The following CD40 variants were observed in gnomAD, a reference collection of about 807,000 sequenced individuals.
CD40 encodes tumor necrosis factor receptor superfamily member 5.
Under a neutral mutation model 38.5 loss-of-function variants are expected in CD40, and 19 were observed. The observed-to-expected ratio is 0.49, with a 90% CI of 0.34 to 0.72. The LOEUF is 0.72. Ranked by LOEUF, CD40 falls within the 30% of genes least tolerant of loss-of-function variation. The probability of loss-of-function intolerance (pLI) is 0.01; values close to 1 mark genes in which losing one functional copy is unlikely to be tolerated. For synonymous variants in CD40, 130 were observed against 128.7 expected, an observed-to-expected ratio of 1.01 and a Z score of -0.07; for missense variants, 256 against 344.1, an observed-to-expected ratio of 0.74 and a Z score of 2.03.
chr20:46,123,368 C>T, intron 5 of CD40, 149 bp downstream of exon 5: 2 of 784,984 alleles, frequency 2.5e-6, no homozygotes, highest in Non-Finnish European at 4.6e-6. Context: ...TCATGGCCAA[C>T]CAGACAGGCA....
intron 8 of CD40, 77 bp downstream of exon 8, chr20:46,128,435 A>T: frequency 6.7e-7 from 1 of 1,484,516 alleles, no homozygotes; most frequent in Non-Finnish European, 9.4e-7. Context: ...ATGGGGCAGT[A>T]AAACTGATTC....
chr20:46,129,034 A>G lies in CD40; in HGVS notation c.828A>G (p.Arg276=). ...GKESRISVQE[R]Q is the part of the protein sequence containing the mutation. ...AGAGTCGCATCTCAGTGCAGGAGAG[A>G]CAGTGAGGCTGCACCCACCCAGGAG... The change falls in exon 9 of 9, where the codon AGA becomes AGG. Residue 276 remains arginine (R), a synonymous_variant. Coordinates refer to ENST00000372285, the MANE Select transcript of CD40 (RefSeq NM_001250.6). 1.2e-6 allele frequency: 2 copies of G among 1,614,128 alleles called. No individual in the cohort carries two copies. The highest frequency in any genetic ancestry group is 1.7e-6 in the Non-Finnish European group (2 of 1,180,012).
At chr20:46,127,062 C>A in intron 6 of CD40, 1 of 354,516 alleles carries the variant, frequency 2.8e-6, no homozygotes, top group Non-Finnish European at 5.5e-6. Context: ...TGCAGCACAC[C>A]AACATGGTAC....
At chr20:46,126,529 T>G in intron 5 of CD40, 111 bp from the exon 6 acceptor site, 1 of 1,255,094 alleles carries the variant, frequency 8.0e-7, no homozygotes, top group Non-Finnish European at 1.1e-6. Flanking sequence ...TGAACCTGGA[T>G]TTGTTGATTG....
chr20:46,121,648 C>G (rs2085319488), intron 1 of CD40, 172 bp from the exon 2 acceptor site: 1 of 697,516 alleles, frequency 1.4e-6, no homozygotes, highest in South Asian at 1.5e-5. Flanking sequence ...ATAATCAGCT[C>G]AGTTGACAAT....
intron 8 of CD40, chr20:46,128,634 T>C: frequency 2.9e-6 from 2 of 682,294 alleles, no homozygotes; most frequent in South Asian, 3.3e-5. Flanking sequence ...TCTTTGGGCC[T>C]TGGGGCTGGG....
Position 46,123,128 on chromosome 20 carries a change from A to G in CD40, c.406A>G (p.Thr136Ala). 6.2e-7 allele frequency: 1 copy of G among 1,613,228 alleles called. No individual in the cohort carries two copies. The highest frequency in any genetic ancestry group is 8.5e-7 in the Non-Finnish European group (1 of 1,179,160). ...SPGFGVKQIA[T>A]GVSDTICEPC... The stretch of plus-strand genomic sequence containing the variant: ...TCCCCCTCCCCACCCACTCCCAGCT[A>G]CAGGGGTTTCTGATACCATCTGCGA... Residue 136 changes from threonine (T) to alanine (A), a missense_variant and splice_region_variant, in exon 5 of 9, where the codon ACA becomes GCA. Coordinates refer to ENST00000372285, the MANE Select transcript of CD40 (RefSeq NM_001250.6).
At chr20:46,128,108 G>A in intron 6 of CD40, 30 bp from the exon 7 acceptor site, 1 of 1,614,056 alleles carries the variant, frequency 6.2e-7, no homozygotes, top group Non-Finnish European at 8.5e-7. Flanking sequence ...TGCAGGTGAG[G>A]GGTGCATGCT....
rs1299633835 is a variant in CD40 at position 46,122,248 on chromosome 20, G to A, written c.146G>A (p.Ser49Asn). The A allele has an allele frequency of 2.5e-6, 4 of 1,614,202 alleles. No homozygotes were observed. In the Admixed American group the frequency reaches 6.7e-5, roughly 27 times the overall value. ...TGTTTTCCAGGACAGAAACTGGTGA[G>A]TGACTGCACAGAGTTCACTGAAACG... ...SLCQPGQKLV[S>N]DCTEFTETEC... The change falls in exon 3 of 9, where the codon AGT becomes AAT. Residue 49 changes from serine (S) to asparagine (N), a missense_variant. Coordinates refer to ENST00000372285, the MANE Select transcript of CD40 (RefSeq NM_001250.6). This position sits in a 1 kb window ranked among gnomAD's most constrained non-coding sequence, Gnocchi z 5.0.
rs778995508 is a variant in CD40 at position 46,128,132 on chromosome 20, C to G, written c.560-6C>G. On this transcript the variant is annotated splice_region_variant and splice_polypyrimidine_tract_variant and intron_variant, in intron 6 of 8. Coordinates refer to ENST00000372285, the MANE Select transcript of CD40 (RefSeq NM_001250.6). ...GGGGTGCATGCTGAAGTCCTGATTTCTCCAGGTCCCCAGGATCGGCTGAGA... is the reference window on the plus strand; with the variant it reads ...GGGGTGCATGCTGAAGTCCTGATTTGTCCAGGTCCCCAGGATCGGCTGAGA... The G allele has an allele frequency of 3.1e-6, 5 of 1,613,994 alleles. No homozygotes were observed. Among genetic ancestry groups the G allele is most frequent in the Non-Finnish European group, 4.2e-6 (5 of 1,180,002 alleles).
At chr20:46,123,946 A>G (rs1037798720) in intron 5 of CD40, among the ~76,000 whole-genome samples, 1 of 152,154 alleles carries the variant, frequency 6.6e-6, no homozygotes, top group South Asian at 2.1e-4. Flanking sequence ...GCTACTTGCA[A>G]TCCTCTGAAC....
At chr20:46,121,716 C>G (rs563931657) in intron 1 of CD40, 104 bp from the exon 2 acceptor site, 17 of 860,274 alleles carry the variant, frequency 2.0e-5, no homozygotes, top group African/African-American at 1.5e-4. Context: ...TTTTGACTTG[C>G]ACTTCAGTTT....
At chr20:46,119,460 C>T (rs1535045) in intron 1 of CD40, among the ~76,000 whole-genome samples, 29,058 of 151,812 alleles carry the variant, frequency 0.19, 3,324 homozygotes, top group South Asian at 0.31. Context: ...AGGGGGAGGG[C>T]GGAGCTGGAA....
intron 6 of CD40, chr20:46,127,416 C>G (rs1352075341): frequency 1.3e-5 from 2 of 155,868 alleles, no homozygotes; most frequent in East Asian, 3.8e-4. Context: ...CCCTGCCTCA[C>G]TCACCTCACC....
chr20:46,121,770 T>C (rs1342207970), intron 1 of CD40, 50 bp from the exon 2 acceptor site: 1 of 1,408,422 alleles, frequency 7.1e-7, no homozygotes, highest in Non-Finnish European at 1.0e-6. Flanking sequence ...GCTGAAGAAG[T>C]TGCAACGGAG....
At position 46,122,841 on chromosome 20, in the gene CD40, GC is replaced by G; in HGVS notation, c.403+89del. ...TGAGGGGCTGGGCAGTGGGCACTTA[GC>G]CCCAGAGGCAGAGGAAGCAGAGGCT... is the stretch of plus-strand genomic sequence containing the variant. On this transcript the variant is annotated intron_variant, in intron 4 of 8. Transcript: ENST00000372285. The surrounding 1 kb of genome is among the most constrained non-coding windows in gnomAD (Gnocchi z 5.0). 6.5e-7 allele frequency: 1 copy of G among 1,547,700 alleles called. No individual in the cohort carries two copies. The highest frequency in any genetic ancestry group is 8.8e-7 in the Non-Finnish European group (1 of 1,130,984).
chr20:46,128,746 C>T (rs1446718928), intron 8 of CD40, 136 bp from the exon 9 acceptor site: 2 of 898,262 alleles, frequency 2.2e-6, no homozygotes, highest in Admixed American at 4.2e-5. Flanking sequence ...GCAGGAGGCA[C>T]CCGAGGAATC....
At chr20:46,119,706 C>T (rs1407095648) in intron 1 of CD40, among the ~76,000 whole-genome samples, 1 of 152,150 alleles carries the variant, frequency 6.6e-6, no homozygotes, top group Non-Finnish European at 1.5e-5. Context: ...CACAACTCCC[C>T]CATTATACAG....
At chr20:46,125,411 G>A (rs2085414082) in intron 5 of CD40, among the ~76,000 whole-genome samples, 1 of 151,762 alleles carries the variant, frequency 6.6e-6, no homozygotes, top group Non-Finnish European at 1.5e-5. Flanking sequence ...GGGCGTGGTG[G>A]CGCACATCTG....
Sources: allele counts gnomAD v4.1 joint callset (sites outside exome capture counted in the v4.1 genomes callset), GRCh38; gene constraint gnomAD v4.1.1; non-coding constraint Gnocchi (gnomAD v3.1); transcripts MANE v1.5; gene names NCBI Gene and HGNC (gene_info 2026-07-23, HGNC 2026-07-21).